The following LMO7 variants were observed in gnomAD, a reference collection of about 807,000 sequenced individuals.
LMO7 encodes the protein LIM domain 7, also known as LIM domain only protein 7.
Under a neutral mutation model 206.5 loss-of-function variants are expected in LMO7, and 120 were observed. The ratio of observed to expected loss-of-function variants is 0.58; its 90% CI spans 0.50 to 0.68. The LOEUF (loss-of-function observed/expected upper bound fraction) is 0.68. Among genes scored for constraint, LMO7 ranks in the 30% least tolerant of loss-of-function variants. LMO7 has a pLI of 0.00. For synonymous variants in LMO7, 706 were observed against 681.5 expected, an observed-to-expected ratio of 1.04 and a Z score of -0.56; for missense variants, 1,959 against 1,957.9, an observed-to-expected ratio of 1.00 and a Z score of -0.01.
intron 1 of LMO7, among the ~76,000 whole-genome samples, chr13:75,687,763 T>C (rs1566310755): frequency 6.6e-6 from 1 of 152,216 alleles, no homozygotes; most frequent in African/African-American, 2.4e-5. Context: ...CACCATCAGC[T>C]GAGATAGACT....
At chr13:75,705,524 T>C (rs2137971156) in intron 1 of LMO7, among the ~76,000 whole-genome samples, 1 of 152,322 alleles carries the variant, frequency 6.6e-6, no homozygotes. Context: ...TTTGACTACA[T>C]AGTCATCACT....
rs796712342 is a variant in LMO7 at position 75,759,924 on chromosome 13, A to G, written c.211-1008A>G. 5.3e-5 allele frequency among the ~76,000 whole-genome samples: 8 copies of G among 152,136 alleles called. 1 individual carries two copies. Among genetic ancestry groups the G allele is most frequent in the Non-Finnish European group, 1.2e-4 (8 of 68,012 alleles). On this transcript the variant is annotated intron_variant, in intron 3 of 30. Coordinates refer to ENST00000377534, the MANE Select transcript of LMO7 (RefSeq NM_001306080.2). ...CTCACGCCATAGAGGCAGCATTACC[A>G]GCTGCCTCAGTGGACAGATGTGTGT...
chr13:75,749,202 A>C (rs527985364), intron 3 of LMO7, among the ~76,000 whole-genome samples: 1 of 152,328 alleles, frequency 6.6e-6, no homozygotes, highest in South Asian at 2.1e-4. Flanking sequence ...AGGTTGCACT[A>C]AAGGTGCCCC....
At chr13:75,695,202 A>G (rs1181897216) in intron 1 of LMO7, among the ~76,000 whole-genome samples, 2 of 152,212 alleles carry the variant, frequency 1.3e-5, no homozygotes, top group African/African-American at 4.8e-5. Context: ...ACCCAGCTTC[A>G]TGAGCTTCTT....
At chr13:75,743,525 A>C (rs1179137516) in intron 3 of LMO7, among the ~76,000 whole-genome samples, 1 of 152,212 alleles carries the variant, frequency 6.6e-6, no homozygotes, top group Non-Finnish European at 1.5e-5. Flanking sequence ...AGTCATAAAA[A>C]AGAAAGAGAT....
At chr13:75,775,568 T>C (rs2140147370) in intron 4 of LMO7, among the ~76,000 whole-genome samples, 2 of 152,134 alleles carry the variant, frequency 1.3e-5, no homozygotes, top group African/African-American at 2.4e-5. Flanking sequence ...TTCAAACTAT[T>C]TGACACAGGG....
intron 1 of LMO7, among the ~76,000 whole-genome samples, chr13:75,643,804 A>G (rs542116049): frequency 5.7e-4 from 87 of 152,360 alleles, no homozygotes; most frequent in African/African-American, 2.0e-3. Flanking sequence ...GAATTACAGC[A>G]CAGTCCCATG....
chr13:75,834,525 G>A (rs2058958044), intron 17 of LMO7, 138 bp downstream of exon 17: 1 of 586,386 alleles, frequency 1.7e-6, no homozygotes, highest in African/African-American at 1.9e-5. Context: ...GTTACGTCAT[G>A]ACAAATCTTG....
chr13:75,790,951 T>G (rs1413789820), intron 4 of LMO7, among the ~76,000 whole-genome samples: 1 of 151,978 alleles, frequency 6.6e-6, no homozygotes, highest in African/African-American at 2.4e-5. Context: ...TAGGTATTTT[T>G]TTTTGCAACT....
intron 11 of LMO7, among the ~76,000 whole-genome samples, chr13:75,814,386 A>G (rs962745174): frequency 3.9e-5 from 6 of 152,196 alleles, no homozygotes; most frequent in African/African-American, 1.4e-4. Flanking sequence ...AAACATGCAC[A>G]TGCACACACA....
At chr13:75,640,663 G>C (rs1488087240) in intron 1 of LMO7, among the ~76,000 whole-genome samples, 1 of 152,156 alleles carries the variant, frequency 6.6e-6, no homozygotes, top group Non-Finnish European at 1.5e-5. Flanking sequence ...TTTATTGCTT[G>C]AGTGTTTGGC....
At chr13:75,724,038 G>T (rs1382948562) in intron 2 of LMO7, among the ~76,000 whole-genome samples, 4 of 152,064 alleles carry the variant, frequency 2.6e-5, no homozygotes, top group African/African-American at 9.7e-5. Context: ...TCCCATTCAT[G>T]AGGGTTCTAC....
intron 1 of LMO7, among the ~76,000 whole-genome samples, chr13:75,685,318 G>T (rs776768982): frequency 2.6e-5 from 4 of 152,170 alleles, no homozygotes; most frequent in African/African-American, 4.8e-5. Flanking sequence ...GAATGAGGCT[G>T]CTATGCCACA....
chr13:75,628,034 A>G (rs957799625), intron 2 of LMO7: 1 of 152,180 alleles, frequency 6.6e-6, no homozygotes. Context: ...CTGCTTTTCA[A>G]ATTATGGGGT....
intron 1 of LMO7, among the ~76,000 whole-genome samples, chr13:75,646,821 G>A (rs896242201): frequency 6.6e-6 from 1 of 152,142 alleles, no homozygotes; most frequent in Non-Finnish European, 1.5e-5. Flanking sequence ...TCGACCTCAG[G>A]TGATATGTGT....
At chr13:75,808,691 T>C (rs1450232448) in intron 10 of LMO7, among the ~76,000 whole-genome samples, 1 of 152,238 alleles carries the variant, frequency 6.6e-6, no homozygotes, top group Non-Finnish European at 1.5e-5. Flanking sequence ...TTTTTATTTA[T>C]GAAGTTCAGA....
exon 2 of LMO7, chr13:75,623,294 A>G: frequency 6.9e-7 from 1 of 1,458,368 alleles, no homozygotes; most frequent in Non-Finnish European, 9.6e-7. Context: ...GACTGAACAA[A>G]ATTCAGGAAG....
intron 2 of LMO7, among the ~76,000 whole-genome samples, chr13:75,718,485 T>C (rs1417197626): frequency 6.6e-6 from 1 of 152,174 alleles, no homozygotes. Flanking sequence ...TGAAGACTTT[T>C]TAAAAGAACA....
intron 4 of LMO7, among the ~76,000 whole-genome samples, chr13:75,774,433 C>T (rs953939648): frequency 2.6e-5 from 4 of 152,110 alleles, no homozygotes; most frequent in Non-Finnish European, 5.9e-5. Flanking sequence ...TATCTGTTCA[C>T]CAGTTGATGG....
Sources: allele counts gnomAD v4.1 joint callset (sites outside exome capture counted in the v4.1 genomes callset), GRCh38; gene constraint gnomAD v4.1.1; transcripts MANE v1.5; gene names NCBI Gene and HGNC (gene_info 2026-07-23, HGNC 2026-07-21).